MSI2: variants seen among roughly 807,000 people sequenced by gnomAD.
MSI2 encodes the protein musashi RNA binding protein 2.
Under a neutral mutation model 45.6 loss-of-function variants are expected in MSI2, and 17 were observed. The observed-to-expected ratio is 0.37, with a 90% CI of 0.26 to 0.56. The LOEUF (loss-of-function observed/expected upper bound fraction) is 0.56. Ranked by LOEUF, MSI2 falls within the 20% of genes least tolerant of loss-of-function variation. The pLI, the probability that MSI2 is intolerant of heterozygous loss-of-function variation, is 0.77. For synonymous variants in MSI2, 156 were observed against 158.2 expected (o/e 0.99, Z 0.11); for missense variants, 293 against 444.2 (o/e 0.66, Z 3.06).
chr17:57,466,546 C>T (rs2085334405), intron 6 of MSI2, among the ~76,000 whole-genome samples: 2 of 152,086 alleles, frequency 1.3e-5, no homozygotes, highest in South Asian at 2.1e-4. Context: ...TTCCTCTCTC[C>T]CTCCCCCTGC....
chr17:57,632,795 C>T (rs1310558161), intron 10 of MSI2: 61 of 1,065,584 alleles, frequency 5.7e-5, no homozygotes, highest in Non-Finnish European at 6.9e-5. Flanking sequence ...GACCCGCACG[C>T]TTCCATTTGA....
In MSI2 at chr17:57,607,277, A is replaced by G. The variant is rs1051691388; in HGVS notation, c.538-8693A>G. ...AGAGTAACCCTCCTGAGTCAAGATT[A>G]TAAATCTAACAGGTCTCTCAATGCC... On this transcript the variant is annotated intron_variant, in intron 8 of 13. Coordinates refer to ENST00000284073, the MANE Select transcript of MSI2 (RefSeq NM_138962.4). Among the ~76,000 whole-genome samples the G allele has an allele frequency of 5.9e-5, 9 of 152,368 alleles. No homozygotes were observed. In the East Asian group the frequency reaches 1.5e-3, roughly 26 times the overall value.
At chr17:57,405,450 G>A (rs1163972742) in intron 6 of MSI2, among the ~76,000 whole-genome samples, 1 of 152,222 alleles carries the variant, frequency 6.6e-6, no homozygotes, top group Non-Finnish European at 1.5e-5. Flanking sequence ...AGCTTGAAAA[G>A]TCAGTAATGT....
chr17:57,460,185 G>A (rs188292518), intron 6 of MSI2, among the ~76,000 whole-genome samples: 3 of 151,722 alleles, frequency 2.0e-5, no homozygotes, highest in East Asian at 1.9e-4. Flanking sequence ...TCAGTTGGGC[G>A]TGGTGACACA....
At chr17:57,600,600 C>CA (rs1462754654) in intron 8 of MSI2, among the ~76,000 whole-genome samples, 1 of 152,124 alleles carries the variant, frequency 6.6e-6, no homozygotes, top group African/African-American at 2.4e-5. Flanking sequence ...CCTTCTCTAC[C>CA]ATGCAGAAGG....
intron 6 of MSI2, among the ~76,000 whole-genome samples, chr17:57,518,411 A>G (rs949595749): frequency 6.6e-6 from 1 of 151,656 alleles, no homozygotes; most frequent in African/African-American, 2.4e-5. Flanking sequence ...TGATTTTTCC[A>G]TTTGTCCTGA....
chr17:57,580,598 G>T (rs2088174392), intron 7 of MSI2, among the ~76,000 whole-genome samples: 1 of 152,190 alleles, frequency 6.6e-6, no homozygotes. Flanking sequence ...CCACCATCAG[G>T]CCAGGCTAAA....
At chr17:57,329,218 T>A (rs1336750882) in intron 5 of MSI2, among the ~76,000 whole-genome samples, 1 of 152,226 alleles carries the variant, frequency 6.6e-6, no homozygotes, top group Non-Finnish European at 1.5e-5. Flanking sequence ...GCAAAACAGC[T>A]CTACATTTTG....
intron 5 of MSI2, among the ~76,000 whole-genome samples, chr17:57,384,840 T>C (rs1009119836): frequency 6.6e-6 from 1 of 152,196 alleles, no homozygotes; most frequent in Non-Finnish European, 1.5e-5. Context: ...CAGATTGTCC[T>C]ACAGACACTG....
At chr17:57,331,706 C>A (rs553686120) in intron 5 of MSI2, among the ~76,000 whole-genome samples, 1 of 152,152 alleles carries the variant, frequency 6.6e-6, no homozygotes, top group African/African-American at 2.4e-5. Flanking sequence ...TGTTCACCAG[C>A]GTCAGTGTTC....
intron 6 of MSI2, among the ~76,000 whole-genome samples, chr17:57,410,007 C>CAAAA (rs1960012378): frequency 4.2e-4 from 1 of 2,364 alleles, no homozygotes; most frequent in Non-Finnish European, 1.5e-3. Flanking sequence ...GACTCTGTCT[C>CAAAA]CAAAAAAAAA....
chr17:57,401,987 G>A (rs550645621), intron 6 of MSI2, among the ~76,000 whole-genome samples: 14 of 152,216 alleles, frequency 9.2e-5, no homozygotes, highest in Non-Finnish European at 2.1e-4. Flanking sequence ...TCTCTGACCT[G>A]AATGTCTGTG....
intron 5 of MSI2, among the ~76,000 whole-genome samples, chr17:57,353,645 T>G (rs2143855156): frequency 6.6e-6 from 1 of 152,340 alleles, no homozygotes; most frequent in Non-Finnish European, 1.5e-5. Context: ...CTATTTCCTC[T>G]GGAGGGTCCT....
At chr17:57,321,251 C>A (rs115435971) in intron 5 of MSI2, among the ~76,000 whole-genome samples, 2 of 151,792 alleles carry the variant, frequency 1.3e-5, no homozygotes, top group African/African-American at 2.4e-5. Context: ...GTGAGTCTCC[C>A]GCCCGCGGCT....
chr17:57,526,362 TG>T (rs2086698262), intron 6 of MSI2, among the ~76,000 whole-genome samples: 1 of 56,022 alleles, frequency 1.8e-5, no homozygotes, highest in East Asian at 4.6e-4. Context: ...CCTGGGTGTG[TG>T]TGTGTGTGTG....
In MSI2 at chr17:57,553,777, C is replaced by G. The variant is rs961643305; in HGVS notation, c.454+24053C>G. Among the ~76,000 whole-genome samples the G allele has an allele frequency of 4.6e-5, 7 of 152,300 alleles. 1 individual carries two copies. Among genetic ancestry groups the G allele is most frequent in the African/African-American group, 1.4e-4 (6 of 41,566 alleles). On this transcript the variant is annotated intron_variant, in intron 7 of 13. Transcript: ENST00000284073. ...AAGTCCTGTGTTTATCGCGAGAGAG[C>G]AGTGTGGTCAGAGAGGCGGTGAGGA...
intron 7 of MSI2, among the ~76,000 whole-genome samples, chr17:57,558,777 T>C (rs1228206732): frequency 6.6e-6 from 1 of 152,192 alleles, no homozygotes; most frequent in East Asian, 1.9e-4. Flanking sequence ...ACTCAGAGGT[T>C]CAGCCAAGCG....
intron 5 of MSI2, among the ~76,000 whole-genome samples, chr17:57,335,070 C>T (rs1376631084): frequency 6.6e-6 from 1 of 151,992 alleles, no homozygotes; most frequent in Non-Finnish European, 1.5e-5. Context: ...ATTTTCATGA[C>T]TATTTTTTTG....
intron 5 of MSI2, among the ~76,000 whole-genome samples, chr17:57,272,039 G>A (rs188594401): frequency 1.3e-5 from 2 of 152,044 alleles, no homozygotes; most frequent in African/African-American, 2.4e-5. Flanking sequence ...TGAGGTGACC[G>A]CTCTGGTGGG....
Sources: allele counts gnomAD v4.1 joint callset (sites outside exome capture counted in the v4.1 genomes callset), GRCh38; gene constraint gnomAD v4.1.1; transcripts MANE v1.5; gene names NCBI Gene and HGNC (gene_info 2026-07-23, HGNC 2026-07-21).